Variants in TMEM266 observed in about 807,000 individuals in gnomAD.
TMEM266 encodes Hv1 related protein 1.
Under a neutral mutation model 50.5 loss-of-function variants are expected in TMEM266, and 33 were observed. The observed-to-expected ratio is 0.65, with a 90% CI of 0.50 to 0.87. The LOEUF is 0.87. Ranked by LOEUF, TMEM266 falls within the 40% of genes least tolerant of loss-of-function variation. TMEM266 has a pLI of 0.00. For missense variants in TMEM266, 655 were observed against 695.1 expected, an observed-to-expected ratio of 0.94 and a Z score of 0.65; for synonymous variants, 310 against 292.3, an observed-to-expected ratio of 1.06 and a Z score of -0.62.
chr15:76,159,385 G>A (rs942588991), intron 4 of TMEM266, among the ~76,000 whole-genome samples: 7 of 152,214 alleles, frequency 4.6e-5, no homozygotes, highest in Admixed American at 1.3e-4. Flanking sequence ...CTGGTGAAAG[G>A]TGGGGCGGGA....
intron 1 of TMEM266, among the ~76,000 whole-genome samples, chr15:76,119,389 G>A (rs1489648480): frequency 2.0e-5 from 2 of 102,456 alleles, no homozygotes; most frequent in Admixed American, 1.2e-4. Context: ...TAGGGTTTAT[G>A]GCAAAAAAAA....
In TMEM266 at chr15:76,177,581, A is replaced by G. The variant is rs1413983322; in HGVS notation, c.768+1907A>G. Among the ~76,000 whole-genome samples, 4 of 152,238 alleles carry G rather than the reference A, an allele frequency of 2.6e-5. No individual in the cohort carries two copies. In the East Asian group the frequency reaches 5.8e-4, roughly 22 times the overall value. On this transcript the variant is annotated intron_variant, in intron 8 of 10. Transcript: ENST00000388942. Reference sequence around the variant, plus strand: ...ACCTTTTGTTTCGCACAGAATGCCTATGCGTGACAAGAGGGGTCATCAGGG... The same window carrying G: ...ACCTTTTGTTTCGCACAGAATGCCTGTGCGTGACAAGAGGGGTCATCAGGG...
At position 76,095,130 on chromosome 15, in the gene TMEM266, A is replaced by G. The variant is rs566114017; in HGVS notation, c.-97+35114A>G. On this transcript the variant is annotated intron_variant, in intron 1 of 10. Transcript: ENST00000388942. ...TTCTTTCTCTTGCCTGATTGCCCTG[A>G]CCAGAACTTCCAATACTATGTTGAA... 1.5e-3 allele frequency among the ~76,000 whole-genome samples: 223 copies of G among 151,920 alleles called. 3 individuals carry two copies. Among genetic ancestry groups the G allele is most frequent in the African/African-American group, 5.2e-3 (214 of 41,416 alleles).
intron 2 of TMEM266, among the ~76,000 whole-genome samples, chr15:76,135,449 C>T (rs1027329460): frequency 3.3e-5 from 5 of 152,164 alleles, no homozygotes; most frequent in East Asian, 1.9e-4. Flanking sequence ...ATAGTTTGTT[C>T]GCACTTCTTA....
chr15:76,199,641 C>T (rs1391586581), intron 9 of TMEM266, among the ~76,000 whole-genome samples: 1 of 152,228 alleles, frequency 6.6e-6, no homozygotes, highest in Non-Finnish European at 1.5e-5. Context: ...AGTGTGATCA[C>T]ATCGGATCTC....
intron 1 of TMEM266, among the ~76,000 whole-genome samples, chr15:76,075,118 T>C (rs531852979): frequency 6.6e-6 from 1 of 152,232 alleles, no homozygotes; most frequent in South Asian, 2.1e-4. Flanking sequence ...AAGTAGACAG[T>C]TGGATATGCA....
In TMEM266 at chr15:76,173,023, C is replaced by A. The variant is rs1394792064; in HGVS notation, c.652+1892C>A. On this transcript the variant is annotated intron_variant, in intron 7 of 10. Transcript: ENST00000388942. ...TCAGGCATCACGGAGCTACCGGGAG[C>A]CTCAGGAGAGAGACGTGCTGGTGAA... Among the ~76,000 whole-genome samples the A allele has an allele frequency of 2.0e-5, 3 of 152,128 alleles. No homozygotes were observed. In the East Asian group the frequency reaches 5.8e-4, roughly 29 times the overall value.
rs1189323276 is a variant in TMEM266 at position 76,153,506 on chromosome 15, T to C, written c.228-3098T>C. On this transcript the variant is annotated intron_variant, in intron 3 of 10. Coordinates refer to ENST00000388942, the MANE Select transcript of TMEM266 (RefSeq NM_152335.3). The surrounding 1 kb of genome is among the most constrained non-coding windows in gnomAD (Gnocchi z 4.2). The stretch of plus-strand genomic sequence containing the variant: ...AATGACAATGACATGCCATCAGTTT[T>C]AGGGGCCGCAGACAACGGTAATGGG... Among the ~76,000 whole-genome samples the C allele has an allele frequency of 6.6e-6, 1 of 152,196 alleles. No individual in the cohort carries two copies. The highest frequency in any genetic ancestry group is 2.4e-5 in the African/African-American group (1 of 41,456).
At chr15:76,080,463 G>GA (rs755292175) in intron 1 of TMEM266, among the ~76,000 whole-genome samples, 9 of 150,668 alleles carry the variant, frequency 6.0e-5, no homozygotes, top group South Asian at 4.2e-4. Context: ...TGTTGGTCAG[G>GA]TGGTCTCGAA....
Position 76,170,988 on chromosome 15 carries a change from C to CA in TMEM266, c.514-4dup. 3 of 1,611,044 alleles carry CA rather than the reference C, an allele frequency of 1.9e-6. No homozygotes were observed. Among genetic ancestry groups the CA allele is most frequent in the Non-Finnish European group, 2.5e-6 (3 of 1,178,874 alleles). On this transcript the variant is annotated splice_region_variant and splice_polypyrimidine_tract_variant and intron_variant, in intron 6 of 10. Coordinates refer to ENST00000388942, the MANE Select transcript of TMEM266 (RefSeq NM_152335.3). Reference sequence around the variant, plus strand: ...CAGGGCACTGAAATGGGCCTCCTCTCACAGGTGTTTGACGGGGCTGTGATC... The same window carrying CA: ...CAGGGCACTGAAATGGGCCTCCTCTCAACAGGTGTTTGACGGGGCTGTGATC...
rs928889132 is a variant in TMEM266 at position 76,168,220 on chromosome 15, A to G, written c.457-1596A>G. Among the ~76,000 whole-genome samples the G allele has an allele frequency of 2.6e-5, 4 of 151,942 alleles. No individual in the cohort carries two copies. Among genetic ancestry groups the G allele is most frequent in the African/African-American group, 4.8e-5 (2 of 41,396 alleles). ...TGGGGCCACCCACCCAGAGACCGGG[A>G]AGTTATAGCGGAGCGGACTTCGGGC... On this transcript the variant is annotated intron_variant, in intron 5 of 10. Transcript: ENST00000388942. The surrounding 1 kb of genome is among the most constrained non-coding windows in gnomAD (Gnocchi z 4.4).
intron 8 of TMEM266, among the ~76,000 whole-genome samples, chr15:76,189,582 A>C (rs1324527235): frequency 6.6e-6 from 1 of 151,604 alleles, no homozygotes; most frequent in East Asian, 1.9e-4. Flanking sequence ...GGAACCCCTG[A>C]GAGTCTGGGA....
intron 8 of TMEM266, among the ~76,000 whole-genome samples, chr15:76,181,778 C>T (rs1024504095): frequency 3.9e-5 from 6 of 152,190 alleles, no homozygotes; most frequent in African/African-American, 1.4e-4. Flanking sequence ...ATATACTCTT[C>T]TGACTCATCT....
In TMEM266 at chr15:76,160,886, C is replaced by T. The variant is rs908326434; in HGVS notation, c.456+718C>T. Among the ~76,000 whole-genome samples the T allele has an allele frequency of 6.6e-6, 1 of 152,178 alleles. No homozygotes were observed. Among genetic ancestry groups the T allele is most frequent in the African/African-American group, 2.4e-5 (1 of 41,434 alleles). On this transcript the variant is annotated intron_variant, in intron 5 of 10. Coordinates refer to ENST00000388942, the MANE Select transcript of TMEM266 (RefSeq NM_152335.3). The surrounding 1 kb of genome is among the most constrained non-coding windows in gnomAD (Gnocchi z 5.7). ...TGGTGCAGAAGCTGGCATGTCTGGG[C>T]AGCACATTCCTCTGTTTTTTCATGG... is the stretch of plus-strand genomic sequence containing the variant.
intron 3 of TMEM266, among the ~76,000 whole-genome samples, chr15:76,142,124 C>T (rs1403079047): frequency 2.0e-5 from 3 of 152,236 alleles, no homozygotes; most frequent in Admixed American, 1.3e-4. Flanking sequence ...TGCAGTGGCT[C>T]ACGCCTGTAA....
chr15:76,172,148 T>C (rs1336797951), intron 7 of TMEM266, among the ~76,000 whole-genome samples: 10 of 152,156 alleles, frequency 6.6e-5, no homozygotes, highest in Non-Finnish European at 8.8e-5. Flanking sequence ...GTATAGACAG[T>C]GGTTCCCAGG....
At chr15:76,176,707 A>G (rs1388994660) in intron 8 of TMEM266, among the ~76,000 whole-genome samples, 1 of 152,166 alleles carries the variant, frequency 6.6e-6, no homozygotes, top group African/African-American at 2.4e-5. Context: ...AAGTGGAGGA[A>G]TGCCCGTGGC....
intron 3 of TMEM266, among the ~76,000 whole-genome samples, chr15:76,142,810 C>T (rs2037700210): frequency 6.6e-6 from 1 of 152,204 alleles, no homozygotes; most frequent in African/African-American, 2.4e-5. Flanking sequence ...CTGTCTGCTG[C>T]TCCTCTCTTC....
At chr15:76,189,260 G>C (rs1200703391) in intron 8 of TMEM266, among the ~76,000 whole-genome samples, 2 of 150,144 alleles carry the variant, frequency 1.3e-5, no homozygotes, top group African/African-American at 5.0e-5. Context: ...AGGGAAGTAA[G>C]GAAGGGAGGA....
Sources: allele counts gnomAD v4.1 joint callset (sites outside exome capture counted in the v4.1 genomes callset), GRCh38; gene constraint gnomAD v4.1.1; non-coding constraint Gnocchi (gnomAD v3.1); transcripts MANE v1.5; gene names NCBI Gene and HGNC (gene_info 2026-07-23, HGNC 2026-07-21).